The following CEP250 variants were observed in gnomAD, a reference collection of about 807,000 sequenced individuals.
CEP250 encodes the protein centrosomal protein 250, also known as centrosome-associated protein CEP250.
In CEP250, 242 loss-of-function variants were observed where a neutral mutation model predicts 315.7. The observed-to-expected ratio is 0.77, with a 90% confidence interval of 0.69 to 0.85. The LOEUF is 0.85. Ranked by LOEUF, CEP250 falls within the 40% of genes least tolerant of loss-of-function variation. The pLI, the probability that CEP250 is intolerant of heterozygous loss-of-function variation, is 0.00. For synonymous variants in CEP250, 1,088 were observed against 1,175.0 expected (o/e 0.93, Z 1.51); for missense variants, 2,515 against 2,886.4 (o/e 0.87, Z 2.95).
chr20:35,511,925 A>C lies in CEP250; in HGVS notation c.*299A>C. 2.6e-6 allele frequency: 3 copies of C among 1,170,684 alleles called. No homozygotes were observed. The highest frequency in any genetic ancestry group is 1.6e-5 in the African/African-American group (1 of 63,324). 72.5% of individuals were successfully genotyped at this position (1,170,684 alleles called of 1,614,324 possible). ...GAATTTATTTTCCTAGCACTTCACC[A>C]CCTCCTTCATCTTCTCCTTCAACAA... On this transcript the variant is annotated 3_prime_UTR_variant, in exon 35 of 35. Transcript: ENST00000397527.
chr20:35,490,630 T>G lies in CEP250; in HGVS notation c.2587-7T>G. ...TGGTTCTAATGGTGTTTCCTTCATG[T>G]GGCCAGGAGAAGGAGCGCTCCTGGC... On this transcript the variant is annotated splice_polypyrimidine_tract_variant and splice_region_variant and intron_variant, in intron 20 of 34. Coordinates refer to ENST00000397527, the MANE Select transcript of CEP250 (RefSeq NM_007186.6). 6.2e-7 allele frequency: 1 copy of G among 1,610,086 alleles called. No homozygotes were observed. The highest frequency in any genetic ancestry group is 1.1e-5 in the South Asian group (1 of 90,818).
Position 35,467,350 on chromosome 20 carries a change from C to G in CEP250, c.646C>G (p.Leu216Val). Residue 216 changes from leucine to valine, a missense_variant, in exon 9 of 35, where the codon CTG (leucine) becomes GTG (valine). Transcript: ENST00000397527. The stretch of plus-strand genomic sequence containing the variant: ...TGAGCATGTGAGGCTTTCAGGGTCT[C>G]TGTTGACCTGTTGTCTGCGCTTGAC... ...KAEHVRLSGS[L>V]LTCCLRLTVG... The G allele has an allele frequency of 6.2e-7, 1 of 1,614,190 alleles. No homozygotes were observed. The highest frequency in any genetic ancestry group is 1.3e-5 in the African/African-American group (1 of 75,054).
At chr20:35,505,123 T>A in intron 30 of CEP250, 118 bp downstream of exon 30, 1 of 807,230 alleles carries the variant, frequency 1.2e-6, no homozygotes, top group Non-Finnish European at 1.9e-6. Flanking sequence ...GCTGAGATCA[T>A]GAGCACCTCA....
rs2147109702 is a variant in CEP250, at chr20:35,497,991, G to A, written c.3579G>A (p.Leu1193=). The part of the protein sequence containing the change: ...ASLYSALQQA[L]GSVCESRPEL... ...TCTACTCTGCCCTGCAGCAGGCCCT[G>A]GGGTCTGTTTGTGAGAGCAGGCCTG... Residue 1193 remains leucine, a synonymous_variant, in exon 26 of 35, where the codon CTG becomes CTA. Transcript: ENST00000397527. The A allele has an allele frequency of 1.2e-6, 2 of 1,613,296 alleles. No homozygotes were observed. The highest frequency in any genetic ancestry group is 1.7e-4 in the Middle Eastern group (1 of 6,016).
intron 9 of CEP250, among the ~76,000 whole-genome samples, chr20:35,469,376 C>T (rs766136913): frequency 4.6e-5 from 7 of 152,182 alleles, no homozygotes; most frequent in Non-Finnish European, 8.8e-5. Context: ...CACATAATAG[C>T]AAGCAGTAAG....
rs759613012 is a variant in CEP250 at position 35,507,856 on chromosome 20, G to A, written c.6750+5G>A. The stretch of plus-strand genomic sequence containing the variant: ...CAGGGTGTGCAGCTGGGAGAGGTGA[G>A]CTGGGGGCTCTGGGGGAACAGGTGA... On this transcript the variant is annotated splice_donor_5th_base_variant and intron_variant, in intron 31 of 34. Coordinates refer to ENST00000397527, the MANE Select transcript of CEP250 (RefSeq NM_007186.6). The A allele has an allele frequency of 3.7e-6, 6 of 1,608,778 alleles. No individual in the cohort carries two copies. The African/African-American group carries it at 5.3e-5, about 14-fold the overall frequency.
At chr20:35,479,474 A>G in intron 18 of CEP250, 50 bp downstream of exon 18, 2 of 1,576,010 alleles carry the variant, frequency 1.3e-6, no homozygotes, top group Non-Finnish European at 1.7e-6. Context: ...TTTGCAAGGC[A>G]AAGGCGTGAA....
chr20:35,460,778 G>A (rs1284303965), intron 3 of CEP250, among the ~76,000 whole-genome samples: 4 of 152,258 alleles, frequency 2.6e-5, no homozygotes, highest in Admixed American at 2.6e-4. Flanking sequence ...AAAAGAGCTA[G>A]CAGGGCACTG....
chr20:35,493,017 C>T (rs1052336704), intron 22 of CEP250, among the ~76,000 whole-genome samples: 2 of 151,976 alleles, frequency 1.3e-5, no homozygotes, highest in African/African-American at 2.4e-5. Flanking sequence ...CGTGAGCCAC[C>T]GCGCCTGGGC....
chr20:35,478,899 G>A (rs1396012059), intron 17 of CEP250, among the ~76,000 whole-genome samples: 2 of 152,014 alleles, frequency 1.3e-5, no homozygotes, highest in Non-Finnish European at 2.9e-5. Flanking sequence ...ATAATTGTAC[G>A]GACTCTCCCT....
intron 20 of CEP250, among the ~76,000 whole-genome samples, chr20:35,488,649 A>G (rs754224417): frequency 4.7e-4 from 71 of 152,000 alleles, no homozygotes; most frequent in Admixed American, 1.2e-3. Flanking sequence ...TTTTTTGTAG[A>G]TAAGGGGTTT....
intron 34 of CEP250, 74 bp from the exon 35 acceptor site, chr20:35,511,289 C>T (rs1185610241): frequency 2.3e-6 from 3 of 1,304,456 alleles, no homozygotes; most frequent in Non-Finnish European, 1.1e-6. Flanking sequence ...TCAGAGAACA[C>T]AGAGCAGGAA....
Position 35,502,616 on chromosome 20 carries a change from G to T in CEP250, c.4247G>T (p.Gly1416Val). 1 of 1,614,244 alleles carries T rather than the reference G, an allele frequency of 6.2e-7. No homozygotes were observed. The highest frequency in any genetic ancestry group is 8.5e-7 in the Non-Finnish European group (1 of 1,180,040). ...CAGGGCGAACTGAAGGTGGCCCAAG[G>T]GAAGGCTCTGCAAGAGAATTTGGCC... ...QEQGELKVAQ[G>V]KALQENLALL... Residue 1416 changes from glycine to valine, a missense_variant, in exon 30 of 35, where the codon GGG (glycine) becomes GTG (valine). Physicochemically the swap from Gly to Val is moderately radical, Grantham distance 109. Transcript: ENST00000397527.
chr20:35,508,035 G>T lies in CEP250; in HGVS notation c.6751G>T (p.Val2251Phe). 6.2e-7 allele frequency: 1 copy of T among 1,614,188 alleles called. No individual in the cohort carries two copies. Among genetic ancestry groups the T allele is most frequent in the Non-Finnish European group, 8.5e-7 (1 of 1,180,042 alleles). ...RGEQGVQLGE[V>F]SGVEAEPSPD... Reference sequence around the variant, plus strand: ...TGAGATTCACAGGTCTTTCCCACAGGTCTCAGGAGTGGAGGCTGAGCCTAG... The same window carrying T: ...TGAGATTCACAGGTCTTTCCCACAGTTCTCAGGAGTGGAGGCTGAGCCTAG... The change falls in exon 32 of 35, where the codon GTC (valine) becomes TTC (phenylalanine). Residue 2251 changes from valine (V) to phenylalanine (F), a missense_variant and splice_region_variant. Physicochemically the swap from Val to Phe is conservative, Grantham distance 50 (BLOSUM62 -1). Transcript: ENST00000397527.
chr20:35,478,927 C>T (rs1278140400), intron 17 of CEP250, among the ~76,000 whole-genome samples: 2 of 152,124 alleles, frequency 1.3e-5, no homozygotes, highest in East Asian at 1.9e-4. Context: ...GTCCCTTTCT[C>T]GGGACATTGA....
intron 34 of CEP250, among the ~76,000 whole-genome samples, chr20:35,510,289 G>T (rs1265893230): frequency 6.6e-6 from 1 of 152,234 alleles, no homozygotes; most frequent in Non-Finnish European, 1.5e-5. Context: ...GGAATAGGAA[G>T]AGGGCTGAGG....
chr20:35,487,397 G>A (rs2063545098), intron 20 of CEP250, among the ~76,000 whole-genome samples: 1 of 152,088 alleles, frequency 6.6e-6, no homozygotes. Flanking sequence ...TTGAACCAGG[G>A]AGGTGGAGGT....
intron 33 of CEP250, among the ~76,000 whole-genome samples, chr20:35,509,617 C>T (rs1338897884): frequency 2.0e-5 from 3 of 152,224 alleles, no homozygotes; most frequent in Non-Finnish European, 2.9e-5. Flanking sequence ...AGATCTCCAT[C>T]CCTTGTCCTT....
chr20:35,495,517 TG>T (rs1277503491), intron 24 of CEP250, among the ~76,000 whole-genome samples: 1 of 152,124 alleles, frequency 6.6e-6, no homozygotes, highest in East Asian at 1.9e-4. Flanking sequence ...CCCAGCACTT[TG>T]GGAGGCTGAG....
Sources: allele counts gnomAD v4.1 joint callset (sites outside exome capture counted in the v4.1 genomes callset), GRCh38; gene constraint gnomAD v4.1.1; transcripts MANE v1.5; gene names NCBI Gene and HGNC (gene_info 2026-07-23, HGNC 2026-07-21).